The following RCOR1 variants were observed in gnomAD, a reference collection of about 807,000 sequenced individuals.
The protein encoded by RCOR1 is REST corepressor 1, also known as REST corepressor.
RCOR1 carries 12 observed loss-of-function variants against 64.0 expected under a neutral mutation model. That is an observed-to-expected ratio of 0.19 (90% CI 0.12 to 0.30). The LOEUF is 0.30. Ranked by LOEUF, RCOR1 falls within the 10% of genes least tolerant of loss-of-function variation. The pLI, the probability that RCOR1 is intolerant of heterozygous loss-of-function variation, is 1.00. For missense variants in RCOR1, 502 were observed against 621.2 expected (o/e 0.81, Z 2.04); for synonymous variants, 279 against 227.2 (o/e 1.23, Z -2.05).
At chr14:102,710,736 A>G in intron 6 of RCOR1, 199 bp from the exon 7 acceptor site, 1 of 553,610 alleles carries the variant, frequency 1.8e-6, no homozygotes. Context: ...GACTGAAAGA[A>G]CTATGGAGTT....
chr14:102,671,281 G>A (rs376163200), intron 2 of RCOR1, among the ~76,000 whole-genome samples: 104 of 152,292 alleles, frequency 6.8e-4, no homozygotes, highest in African/African-American at 2.2e-3. Flanking sequence ...CAGACTTAAT[G>A]TGATTTTTTA....
intron 2 of RCOR1, among the ~76,000 whole-genome samples, chr14:102,628,369 T>C (rs1259233368): frequency 6.6e-6 from 1 of 152,192 alleles, no homozygotes; most frequent in Non-Finnish European, 1.5e-5. Context: ...CAGAACCTTT[T>C]CTTCACTTGA....
At chr14:102,678,386 G>T (rs1421015208) in intron 2 of RCOR1, among the ~76,000 whole-genome samples, 2 of 152,072 alleles carry the variant, frequency 1.3e-5, no homozygotes, top group African/African-American at 2.4e-5. Context: ...TGCAAGCTCC[G>T]CCTCCTGGGT....
At position 102,601,987 on chromosome 14, in the gene RCOR1, C is replaced by T. The variant is rs368874468; in HGVS notation, c.361+8662C>T. Among the ~76,000 whole-genome samples the T allele has an allele frequency of 6.9e-4, 105 of 152,048 alleles. No individual in the cohort carries two copies. The Middle Eastern group carries it at 0.02, about 30-fold the overall frequency. On this transcript the variant is annotated intron_variant, in intron 2 of 11. Transcript: ENST00000262241. ...CAGCCTGGCCAACATGGCGAAACCC[C>T]GTCTCTACTAAAAATATAAAAATTA...
At chr14:102,603,855 G>A (rs921713753) in intron 2 of RCOR1, among the ~76,000 whole-genome samples, 1 of 151,974 alleles carries the variant, frequency 6.6e-6, no homozygotes, top group Non-Finnish European at 1.5e-5. Context: ...TTTTTCTATA[G>A]GGTGTTGGTT....
intron 2 of RCOR1, among the ~76,000 whole-genome samples, chr14:102,670,884 G>A (rs917172633): frequency 6.6e-6 from 1 of 151,152 alleles, no homozygotes; most frequent in Non-Finnish European, 1.5e-5. Context: ...AGCAATTCTA[G>A]TGCCTCAGCC....
chr14:102,711,027 C>T lies in RCOR1; in HGVS notation c.858+14C>T, dbSNP rs199648616. 11 of 1,550,720 alleles carry T rather than the reference C, an allele frequency of 7.1e-6. No individual in the cohort carries two copies. Among genetic ancestry groups the T allele is most frequent in the South Asian group, 2.4e-5 (2 of 84,794 alleles). Reference sequence around the variant, plus strand: ...AGCAAAAAGGAGGTATTTTTTCCCCCTAGTATTGTTTAGGCGAATAAATTT... The same window carrying T: ...AGCAAAAAGGAGGTATTTTTTCCCCTTAGTATTGTTTAGGCGAATAAATTT... On this transcript the variant is annotated intron_variant, in intron 7 of 11. Transcript: ENST00000262241.
At chr14:102,713,581 C>T (rs1157125344) in intron 7 of RCOR1, among the ~76,000 whole-genome samples, 2 of 152,100 alleles carry the variant, frequency 1.3e-5, no homozygotes, top group Admixed American at 6.5e-5. Context: ...CATGCCCAGC[C>T]ACCTGGCCCG....
intron 11 of RCOR1, among the ~76,000 whole-genome samples, chr14:102,725,730 C>T (rs1245297118): frequency 6.6e-6 from 1 of 152,006 alleles, no homozygotes; most frequent in Non-Finnish European, 1.5e-5. Context: ...TGTGCGCCAC[C>T]ACGCACGGCC....
intron 4 of RCOR1, among the ~76,000 whole-genome samples, chr14:102,706,686 G>T (rs568404162): frequency 1.2e-4 from 18 of 152,192 alleles, no homozygotes; most frequent in African/African-American, 4.1e-4. Context: ...AATTAGCCGG[G>T]TGTGGTGGCA....
At chr14:102,668,673 C>G (rs1894967354) in intron 2 of RCOR1, among the ~76,000 whole-genome samples, 2 of 152,022 alleles carry the variant, frequency 1.3e-5, no homozygotes, top group African/African-American at 2.4e-5. Flanking sequence ...TATACATACC[C>G]CTCGTTAACC....
At chr14:102,595,632 C>T (rs1050410660) in intron 2 of RCOR1, among the ~76,000 whole-genome samples, 1 of 150,028 alleles carries the variant, frequency 6.7e-6, no homozygotes, top group Non-Finnish European at 1.5e-5. Context: ...GGCTGGAGTG[C>T]GCAGTGGTGT....
At chr14:102,677,274 T>G (rs1426820487) in intron 2 of RCOR1, among the ~76,000 whole-genome samples, 2 of 67,904 alleles carry the variant, frequency 2.9e-5, no homozygotes, top group East Asian at 5.4e-4. Flanking sequence ...CACTTCCCAG[T>G]CGGGGCGGCC....
intron 2 of RCOR1, among the ~76,000 whole-genome samples, chr14:102,665,716 T>C (rs1418577235): frequency 6.6e-6 from 1 of 152,216 alleles, no homozygotes; most frequent in African/African-American, 2.4e-5. Context: ...GTTCAGATGC[T>C]GACCAGTGTT....
At chr14:102,637,965 T>G (rs897263616) in intron 2 of RCOR1, among the ~76,000 whole-genome samples, 1 of 152,344 alleles carries the variant, frequency 6.6e-6, no homozygotes, top group East Asian at 1.9e-4. Context: ...CTCCAGTGTT[T>G]GATTATCCAT....
Position 102,725,143 on chromosome 14 carries a change from A to G in RCOR1, c.1420-1325A>G, listed in dbSNP as rs139234798. On this transcript the variant is annotated intron_variant, in intron 11 of 11. Transcript: ENST00000262241. ...TTACACTGAAGAAAGGATGCCATGG[A>G]TTGGACAGAAAGATGTCACTTAAAA... is the stretch of plus-strand genomic sequence containing the variant. Among the ~76,000 whole-genome samples, 1,104 of 152,330 alleles carry G rather than the reference A, an allele frequency of 7.2e-3. 15 individuals carry two copies. Among genetic ancestry groups the G allele is most frequent in the Middle Eastern group, 0.024 (7 of 294 alleles).
intron 2 of RCOR1, among the ~76,000 whole-genome samples, chr14:102,678,220 C>CGAGAGGGAGAGG (rs113468250): frequency 1.7e-4 from 25 of 150,834 alleles, no homozygotes; most frequent in East Asian, 9.8e-4. Context: ...GAGAGGGAGA[C>CGAGAGGGAGAGG]GAGAGGGAGA....
intron 2 of RCOR1, among the ~76,000 whole-genome samples, chr14:102,661,103 G>A (rs991505927): frequency 6.6e-6 from 1 of 152,140 alleles, no homozygotes; most frequent in African/African-American, 2.4e-5. Context: ...TCCCAGCACT[G>A]TGGGAAGCTG....
intron 2 of RCOR1, among the ~76,000 whole-genome samples, chr14:102,663,865 A>G (rs201901830): frequency 2.0e-5 from 3 of 152,210 alleles, no homozygotes; most frequent in Non-Finnish European, 4.4e-5. Flanking sequence ...ATGGAAGAAA[A>G]GTGTTTCTGG....
Sources: gnomAD v4.1 joint callset for allele counts (sites outside exome capture counted in the v4.1 genomes callset) on GRCh38, gnomAD v4.1.1 for gene constraint, MANE v1.5 for transcripts, NCBI Gene and HGNC (gene_info 2026-07-23, HGNC 2026-07-21) for gene names.